The following KDM4C variants were observed in gnomAD, a reference collection of about 807,000 sequenced individuals.
KDM4C encodes lysine demethylase 4C.
KDM4C carries 81 observed loss-of-function variants against 129.3 expected under a neutral mutation model. The ratio of observed to expected loss-of-function variants is 0.63; its 90% CI spans 0.52 to 0.75. KDM4C has a LOEUF of 0.75. Among genes scored for constraint, KDM4C ranks in the 30% least tolerant of loss-of-function variants. The pLI is 0.00. For missense variants in KDM4C, 1,457 were observed against 1,304.0 expected (o/e 1.12, Z -1.81); for synonymous variants, 573 against 456.1 (o/e 1.26, Z -3.26).
intron 1 of KDM4C, among the ~76,000 whole-genome samples, chr9:6,743,859 T>C (rs1240731189): frequency 1.3e-5 from 2 of 152,044 alleles, no homozygotes; most frequent in African/African-American, 4.8e-5. Context: ...TCACTTGACT[T>C]GTTGGGGTGG....
intron 8 of KDM4C, among the ~76,000 whole-genome samples, chr9:6,948,380 C>G (rs560511709): frequency 1.3e-5 from 2 of 150,576 alleles, no homozygotes; most frequent in African/African-American, 2.4e-5. Flanking sequence ...GGATTTCGTT[C>G]TAAATATACG....
intron 16 of KDM4C, 52 bp downstream of exon 16, chr9:7,046,969 T>C: frequency 2.3e-6 from 3 of 1,308,210 alleles, no homozygotes; most frequent in Non-Finnish European, 3.3e-6. Flanking sequence ...TTCTCCATTC[T>C]AGAACCTTTG....
chr9:6,771,871 C>G (rs1821914780), intron 1 of KDM4C, among the ~76,000 whole-genome samples: 1 of 152,024 alleles, frequency 6.6e-6, no homozygotes, highest in Non-Finnish European at 1.5e-5. Flanking sequence ...TGCCAGGAAG[C>G]CAAAGCAGGC....
chr9:6,852,842 C>T (rs1432469359), intron 5 of KDM4C, among the ~76,000 whole-genome samples: 3 of 152,162 alleles, frequency 2.0e-5, no homozygotes, highest in Non-Finnish European at 2.9e-5. Flanking sequence ...GTCCATGTTT[C>T]ACTTAGGGTT....
At chr9:7,055,975 A>G (rs888252199) in intron 17 of KDM4C, among the ~76,000 whole-genome samples, 2 of 152,230 alleles carry the variant, frequency 1.3e-5, no homozygotes, top group Non-Finnish European at 2.9e-5. Flanking sequence ...GAAAAGAAGT[A>G]GTGTCGTAAA....
chr9:6,959,319 C>T (rs949773710), intron 8 of KDM4C, among the ~76,000 whole-genome samples: 2 of 152,200 alleles, frequency 1.3e-5, no homozygotes, highest in Admixed American at 1.3e-4. Context: ...AGTCCCCTCA[C>T]TCTTGAAAGT....
chr9:6,946,977 G>C (rs1365819143), intron 8 of KDM4C, among the ~76,000 whole-genome samples: 6 of 151,978 alleles, frequency 3.9e-5, no homozygotes, highest in African/African-American at 1.2e-4. Context: ...CAGCTCCTCT[G>C]ATCCCAACTG....
intron 5 of KDM4C, among the ~76,000 whole-genome samples, chr9:6,850,199 A>G (rs1838589730): frequency 6.6e-6 from 1 of 152,206 alleles, no homozygotes; most frequent in African/African-American, 2.4e-5. Context: ...GCCTAACAAC[A>G]TATTTCTCAG....
rs763924362 is a variant in KDM4C, at chr9:6,893,250, A to C, written c.921+18A>C. On this transcript the variant is annotated intron_variant, in intron 8 of 21. Transcript: ENST00000381309. ...CCAAATTGGTAAGCTATGCCTCAAA[A>C]ATAAAGCAAAAATTAAATGTGTATT... The C allele has an allele frequency of 1.3e-6, 2 of 1,593,426 alleles. No individual in the cohort carries two copies. Among genetic ancestry groups the C allele is most frequent in the South Asian group, 2.3e-5 (2 of 88,104 alleles).
chr9:6,896,716 A>G (rs1274702407), intron 8 of KDM4C, among the ~76,000 whole-genome samples: 2 of 152,154 alleles, frequency 1.3e-5, no homozygotes, highest in Non-Finnish European at 2.9e-5. Flanking sequence ...AGTTCTACTT[A>G]TGGAGACTAG....
intron 2 of KDM4C, among the ~76,000 whole-genome samples, chr9:6,793,862 C>A (rs967898367): frequency 6.6e-6 from 1 of 152,014 alleles, no homozygotes; most frequent in Non-Finnish European, 1.5e-5. Flanking sequence ...TTATATAACA[C>A]TTATTGATAT....
chr9:6,734,513 C>T lies in KDM4C; in HGVS notation c.49+13516C>T, dbSNP rs186716738. 140 of 171,738 alleles carry T rather than the reference C, an allele frequency of 8.2e-4. 1 individual carries two copies. Among genetic ancestry groups the T allele is most frequent in the African/African-American group, 3.1e-3 (128 of 41,696 alleles). 10.6% of individuals were successfully genotyped at this position (171,738 alleles called of 1,614,324 possible). ...TTCTCCATGTTGGCCAGGCTGGTCTCGAACTCCTGATCTCAGGTGATCCTC... is the reference window on the plus strand; with the variant it reads ...TTCTCCATGTTGGCCAGGCTGGTCTTGAACTCCTGATCTCAGGTGATCCTC... On this transcript the variant is annotated intron_variant, in intron 1 of 17. Transcript: ENST00000536108.
At chr9:6,873,657 T>G (rs1384539353) in intron 5 of KDM4C, among the ~76,000 whole-genome samples, 2 of 152,256 alleles carry the variant, frequency 1.3e-5, no homozygotes, top group African/African-American at 4.8e-5. Flanking sequence ...TAAGGAAATG[T>G]TGCTGGTTTG....
At chr9:6,894,627 C>A (rs1846570496) in intron 8 of KDM4C, among the ~76,000 whole-genome samples, 1 of 152,158 alleles carries the variant, frequency 6.6e-6, no homozygotes, top group African/African-American at 2.4e-5. Flanking sequence ...TGATATTGGC[C>A]AGAATAGGAC....
chr9:7,058,052 C>G (rs1456658838), intron 17 of KDM4C, among the ~76,000 whole-genome samples: 1 of 152,202 alleles, frequency 6.6e-6, no homozygotes, highest in Non-Finnish European at 1.5e-5. Flanking sequence ...CCAGGATACC[C>G]TCTCATCTAT....
At chr9:7,106,125 C>T (rs1384523639) in intron 18 of KDM4C, among the ~76,000 whole-genome samples, 5 of 152,200 alleles carry the variant, frequency 3.3e-5, no homozygotes, top group East Asian at 1.9e-4. Flanking sequence ...TTCCATTCGA[C>T]TCCAAGTACG....
rs140005551 is a variant in KDM4C at position 7,094,279 on chromosome 9, G to A, written c.2425-9406G>A. ...GGGTTAGGATTCAGGCTTTAACAGT[G>A]CCTGTTTTACTACCTTTTGTCCATT... On this transcript the variant is annotated intron_variant, in intron 17 of 21. Coordinates refer to ENST00000381309, the MANE Select transcript of KDM4C (RefSeq NM_015061.6). 1.1e-3 allele frequency among the ~76,000 whole-genome samples: 160 copies of A among 152,310 alleles called. 1 individual carries two copies. Among genetic ancestry groups the A allele is most frequent in the African/African-American group, 3.6e-3 (150 of 41,552 alleles).
At chr9:6,914,220 C>T (rs1819886666) in intron 8 of KDM4C, among the ~76,000 whole-genome samples, 1 of 152,060 alleles carries the variant, frequency 6.6e-6, no homozygotes, top group Admixed American at 6.5e-5. Context: ...CCACCATGTT[C>T]AGTTAATATT....
At chr9:6,735,910 T>G (rs1817514097) in intron 1 of KDM4C, among the ~76,000 whole-genome samples, 1 of 152,158 alleles carries the variant, frequency 6.6e-6, no homozygotes, top group Non-Finnish European at 1.5e-5. Flanking sequence ...CCCTAGAGAC[T>G]TGTTGAATGG....
Sources: gnomAD v4.1 joint callset for allele counts (sites outside exome capture counted in the v4.1 genomes callset) on GRCh38, gnomAD v4.1.1 for gene constraint, MANE v1.5 for transcripts, NCBI Gene and HGNC (gene_info 2026-07-23, HGNC 2026-07-21) for gene names.